Variants in MITF observed in about 807,000 individuals in gnomAD.
The protein encoded by MITF is melanocyte inducing transcription factor, also known as microphthalmia-associated transcription factor.
MITF carries 17 observed loss-of-function variants against 60.5 expected under a neutral mutation model. That is an observed-to-expected ratio of 0.28 (90% CI 0.19 to 0.42). MITF has a LOEUF of 0.42. Ranked by LOEUF, MITF falls within the 10% of genes least tolerant of loss-of-function variation. MITF has a pLI of 1.00. For synonymous variants in MITF, 260 were observed against 248.5 expected (o/e 1.05, Z -0.43); for missense variants, 622 against 683.5 (o/e 0.91, Z 1.00).
At chr3:69,881,048 G>A (rs1031911736) in intron 2 of MITF, among the ~76,000 whole-genome samples, 1 of 152,002 alleles carries the variant, frequency 6.6e-6, no homozygotes, top group African/African-American at 2.4e-5. Context: ...ATTTCTAAAT[G>A]CTTTTGTCAC....
chr3:69,957,012 C>T (rs1348971819), intron 8 of MITF, among the ~76,000 whole-genome samples: 1 of 152,152 alleles, frequency 6.6e-6, no homozygotes, highest in Non-Finnish European at 1.5e-5. Flanking sequence ...AACTTGCCTA[C>T]TCTTTGTATG....
chr3:69,944,990 A>G (rs972236357), intron 5 of MITF, among the ~76,000 whole-genome samples: 8 of 152,128 alleles, frequency 5.3e-5, no homozygotes, highest in African/African-American at 1.9e-4. Context: ...TTAACTACTT[A>G]GGAAAAAATA....
intron 1 of MITF, among the ~76,000 whole-genome samples, chr3:69,795,198 T>G (rs1012348421): frequency 6.6e-6 from 1 of 152,212 alleles, no homozygotes; most frequent in African/African-American, 2.4e-5. Context: ...AAATAGATTT[T>G]CTTTTAAAAT....
At chr3:69,909,189 T>A (rs2065168039) in intron 2 of MITF, among the ~76,000 whole-genome samples, 1 of 152,106 alleles carries the variant, frequency 6.6e-6, no homozygotes, top group Non-Finnish European at 1.5e-5. Context: ...AATGGATAAG[T>A]CTCACGAGAT....
chr3:69,780,012 A>G (rs2062538303), intron 1 of MITF, among the ~76,000 whole-genome samples: 1 of 152,182 alleles, frequency 6.6e-6, no homozygotes, highest in Non-Finnish European at 1.5e-5. Flanking sequence ...ATTGGGAAGA[A>G]GGGATATTTG....
intron 1 of MITF, among the ~76,000 whole-genome samples, chr3:69,759,981 T>C (rs925260159): frequency 1.3e-5 from 2 of 152,168 alleles, no homozygotes; most frequent in African/African-American, 4.8e-5. Flanking sequence ...GGTTTCACCG[T>C]GTTAGCCAGG....
intron 1 of MITF, among the ~76,000 whole-genome samples, chr3:69,780,024 C>A (rs571806732): frequency 6.6e-6 from 1 of 152,070 alleles, no homozygotes; most frequent in South Asian, 2.1e-4. Flanking sequence ...GGATATTTGG[C>A]AATATGGGGC....
At chr3:69,889,598 T>G (rs2064712238) in intron 2 of MITF, among the ~76,000 whole-genome samples, 1 of 152,126 alleles carries the variant, frequency 6.6e-6, no homozygotes, top group African/African-American at 2.4e-5. Flanking sequence ...ACAAGATATT[T>G]TCACATTTTT....
intron 1 of MITF, among the ~76,000 whole-genome samples, chr3:69,851,123 G>A (rs2063816652): frequency 6.6e-6 from 1 of 152,180 alleles, no homozygotes; most frequent in Non-Finnish European, 1.5e-5. Context: ...CTTTGGAAAG[G>A]TGCTTTGGTT....
intron 1 of MITF, among the ~76,000 whole-genome samples, chr3:69,761,574 A>C (rs1005925614): frequency 1.3e-5 from 2 of 152,150 alleles, no homozygotes; most frequent in African/African-American, 4.8e-5. Flanking sequence ...AATGGAAAGG[A>C]GACTAGGTTT....
In MITF at chr3:69,966,937, G is replaced by C. The variant is rs2066703545; in HGVS notation, c.*1689G>C. On this transcript the variant is annotated 3_prime_UTR_variant, in exon 10 of 10. Coordinates refer to ENST00000352241, the MANE Select transcript of MITF (RefSeq NM_001354604.2). ...TATAGTCAAGACGAACATGTAGCAT[G>C]GTGCCTATGTAGACAATATAAGAGC... is the stretch of plus-strand genomic sequence containing the variant. 1.3e-5 allele frequency: 3 copies of C among 232,530 alleles called. No individual in the cohort carries two copies. In the South Asian group the frequency reaches 5.4e-4, roughly 42 times the overall value. 14.4% of individuals were successfully genotyped at this position (232,530 alleles called of 1,614,324 possible).
intron 1 of MITF, among the ~76,000 whole-genome samples, chr3:69,772,648 C>T (rs926084369): frequency 6.6e-5 from 10 of 152,116 alleles, no homozygotes; most frequent in Non-Finnish European, 1.2e-4. Context: ...GACTTCCATG[C>T]GGAGTATCAG....
chr3:69,846,997 A>T (rs1159019295), intron 1 of MITF, among the ~76,000 whole-genome samples: 1 of 152,078 alleles, frequency 6.6e-6, no homozygotes, highest in Non-Finnish European at 1.5e-5. Context: ...TCTACACATC[A>T]AACTGGGGAT....
At chr3:69,781,845 A>G (rs1025797613) in intron 1 of MITF, among the ~76,000 whole-genome samples, 7 of 152,200 alleles carry the variant, frequency 4.6e-5, no homozygotes, top group Non-Finnish European at 7.3e-5. Flanking sequence ...TAGGAACAGC[A>G]TATCTCTTGT....
At chr3:69,839,767 A>G (rs1000300775) in intron 1 of MITF, among the ~76,000 whole-genome samples, 1 of 152,144 alleles carries the variant, frequency 6.6e-6, no homozygotes, top group African/African-American at 2.4e-5. Flanking sequence ...AAAAAAAGTA[A>G]GGGAATTTCA....
chr3:69,951,718 C>T, intron 6 of MITF, 94 bp from the exon 7 acceptor site: 1 of 921,512 alleles, frequency 1.1e-6, no homozygotes, highest in Non-Finnish European at 1.8e-6. Flanking sequence ...GTCAAATAAG[C>T]TTCTGTATGT....
chr3:69,833,881 C>T (rs1214007152), intron 1 of MITF, among the ~76,000 whole-genome samples: 1 of 152,236 alleles, frequency 6.6e-6, no homozygotes, highest in Non-Finnish European at 1.5e-5. Context: ...CCTTCAGCCT[C>T]TATTACTGAA....
chr3:69,851,568 T>C (rs1035446741), intron 1 of MITF, among the ~76,000 whole-genome samples: 6 of 152,292 alleles, frequency 3.9e-5, no homozygotes, highest in African/African-American at 1.2e-4. Context: ...AAAGCCTGAA[T>C]GCTATATGAT....
At chr3:69,784,263 T>G (rs988406382) in intron 1 of MITF, among the ~76,000 whole-genome samples, 3 of 152,150 alleles carry the variant, frequency 2.0e-5, no homozygotes, top group African/African-American at 7.2e-5. Context: ...TTTTTCAGGA[T>G]AACTCTGGCT....
Sources: allele counts gnomAD v4.1 joint callset (sites outside exome capture counted in the v4.1 genomes callset), GRCh38; gene constraint gnomAD v4.1.1; transcripts MANE v1.5; gene names NCBI Gene and HGNC (gene_info 2026-07-23, HGNC 2026-07-21).